Variants in ATXN1 observed in about 807,000 individuals in gnomAD.
ATXN1 encodes ataxin-1.
In ATXN1, 8 loss-of-function variants were observed where a neutral mutation model predicts 56.4. That is an observed-to-expected ratio of 0.14 (90% CI 0.08 to 0.26). The LOEUF (loss-of-function observed/expected upper bound fraction) is 0.26. Among genes scored for constraint, ATXN1 ranks in the 10% least tolerant of loss-of-function variants. The pLI is 1.00. For synonymous variants in ATXN1, 514 were observed against 494.6 expected, an observed-to-expected ratio of 1.04 and a Z score of -0.52; for missense variants, 987 against 1,106.5, an observed-to-expected ratio of 0.89 and a Z score of 1.53.
At chr6:16,423,662 T>C (rs1449500385) in intron 6 of ATXN1, among the ~76,000 whole-genome samples, 4 of 152,106 alleles carry the variant, frequency 2.6e-5, no homozygotes, top group East Asian at 3.9e-4. Flanking sequence ...GATTACAGGC[T>C]CTCAAGGATT....
chr6:16,531,292 C>A (rs971248254), intron 4 of ATXN1, among the ~76,000 whole-genome samples: 2 of 152,188 alleles, frequency 1.3e-5, no homozygotes, highest in African/African-American at 4.8e-5. Flanking sequence ...GGAAATATCA[C>A]AGAGGAAAGG....
At chr6:16,722,353 T>G (rs967673711) in intron 2 of ATXN1, among the ~76,000 whole-genome samples, 6 of 152,224 alleles carry the variant, frequency 3.9e-5, no homozygotes, top group African/African-American at 1.4e-4. Context: ...GCTTTTAATT[T>G]TACTGAAATG....
At chr6:16,668,421 G>A (rs1198969762) in intron 2 of ATXN1, among the ~76,000 whole-genome samples, 2 of 143,646 alleles carry the variant, frequency 1.4e-5, no homozygotes, top group South Asian at 2.2e-4. Flanking sequence ...TGTTTTTAAC[G>A]TTGATTTTAT....
At chr6:16,589,738 A>G (rs1339389830) in intron 3 of ATXN1, among the ~76,000 whole-genome samples, 1 of 152,220 alleles carries the variant, frequency 6.6e-6, no homozygotes, top group Admixed American at 6.5e-5. Flanking sequence ...TAGGGCAACT[A>G]AGCTGAATTT....
intron 6 of ATXN1, among the ~76,000 whole-genome samples, chr6:16,406,558 T>G (rs1012677170): frequency 3.9e-5 from 6 of 152,228 alleles, no homozygotes; most frequent in African/African-American, 1.4e-4. Context: ...AAGCAAAATT[T>G]ATTCAAAGAC....
intron 2 of ATXN1, among the ~76,000 whole-genome samples, chr6:16,700,842 C>T (rs1331228278): frequency 6.6e-6 from 1 of 152,074 alleles, no homozygotes; most frequent in East Asian, 1.9e-4. Context: ...GTTTTCACCT[C>T]ATTTCTAAGT....
chr6:16,586,043 G>GCGCGCGCA (rs61649104), intron 3 of ATXN1, 136 bp from the exon 4 acceptor site: 13 of 148,284 alleles, frequency 8.8e-5, no homozygotes, highest in African/African-American at 3.0e-4. Flanking sequence ...GCAAGCATGC[G>GCGCGCGCA]CACACACACA....
intron 3 of ATXN1, among the ~76,000 whole-genome samples, chr6:16,604,157 C>A (rs971099323): frequency 6.6e-6 from 1 of 151,846 alleles, no homozygotes; most frequent in African/African-American, 2.4e-5. Flanking sequence ...CGATGGAAAG[C>A]AGATGGAAAT....
chr6:16,461,708 C>T (rs1328453608), intron 6 of ATXN1, among the ~76,000 whole-genome samples: 1 of 152,172 alleles, frequency 6.6e-6, no homozygotes, highest in Non-Finnish European at 1.5e-5. Flanking sequence ...CCAAAGCTTA[C>T]AAAACGACAA....
At chr6:16,673,785 G>A (rs978047579) in intron 2 of ATXN1, among the ~76,000 whole-genome samples, 3 of 152,072 alleles carry the variant, frequency 2.0e-5, no homozygotes, top group African/African-American at 7.2e-5. Flanking sequence ...CTAAAGTGCT[G>A]GGATTACAGG....
chr6:16,506,388 C>T lies in ATXN1; in HGVS notation c.-299+16239G>A, dbSNP rs1008316751. Reference sequence around the variant, plus strand: ...ATTTAATAGTTTTACATAAGCAAAGCTGATGTCTCCTCTGACCTCCCCCTT... The same window carrying T: ...ATTTAATAGTTTTACATAAGCAAAGTTGATGTCTCCTCTGACCTCCCCCTT... On this transcript the variant is annotated intron_variant, in intron 5 of 7. Transcript: ENST00000436367. The surrounding 1 kb of genome is among the most constrained non-coding windows in gnomAD (Gnocchi z 4.1). 6.6e-6 allele frequency among the ~76,000 whole-genome samples: 1 copy of T among 152,128 alleles called. No individual in the cohort carries two copies. Among genetic ancestry groups the T allele is most frequent in the African/African-American group, 2.4e-5 (1 of 41,426 alleles).
intron 6 of ATXN1, among the ~76,000 whole-genome samples, chr6:16,463,102 G>T (rs1760032767): frequency 6.6e-6 from 1 of 152,134 alleles, no homozygotes; most frequent in African/African-American, 2.4e-5. Flanking sequence ...GAGTCACTCA[G>T]TTTGCTCCCA....
Position 16,725,679 on chromosome 6 carries a change from A to C in ATXN1, c.-615+27554T>G, listed in dbSNP as rs112516254. Among the ~76,000 whole-genome samples the C allele has an allele frequency of 8.6e-3, 1,310 of 152,332 alleles. 9 individuals carry two copies. Among genetic ancestry groups the C allele is most frequent in the Non-Finnish European group, 0.015 (1,016 of 68,030 alleles). On this transcript the variant is annotated intron_variant, in intron 2 of 7. Coordinates refer to ENST00000436367, the MANE Select transcript of ATXN1 (RefSeq NM_001128164.2). ...CATATTTGGCCCAGTAGCTACTCCC[A>C]CATTCTCACATTCAACAATATTTAT...
Position 16,642,293 on chromosome 6 carries a change from G to C in ATXN1, c.-489+15483C>G, listed in dbSNP as rs527372335. 3.9e-5 allele frequency among the ~76,000 whole-genome samples: 6 copies of C among 152,318 alleles called. 1 individual carries two copies. The highest frequency in any genetic ancestry group is 1.4e-4 in the African/African-American group (6 of 41,572). On this transcript the variant is annotated intron_variant, in intron 3 of 7. Coordinates refer to ENST00000436367, the MANE Select transcript of ATXN1 (RefSeq NM_001128164.2). The stretch of plus-strand genomic sequence containing the variant: ...ACCTGTAGTCCCAGCTACTCAGGAG[G>C]CTGAGGCAGGAGAATTGTTTGAACC...
intron 1 of ATXN1, chr6:16,761,058 A>G (rs1761080446): frequency 4.4e-5 from 12 of 272,220 alleles, no homozygotes; most frequent in South Asian, 3.3e-4. Flanking sequence ...GGTTGTATGT[A>G]CACACATACA....
chr6:16,598,721 G>A (rs1274881884), intron 3 of ATXN1, among the ~76,000 whole-genome samples: 1 of 152,128 alleles, frequency 6.6e-6, no homozygotes, highest in Non-Finnish European at 1.5e-5. Flanking sequence ...CTGGAGTGGG[G>A]GTGGCAGGAG....
At chr6:16,564,854 T>A (rs1762188374) in intron 4 of ATXN1, among the ~76,000 whole-genome samples, 1 of 152,112 alleles carries the variant, frequency 6.6e-6, no homozygotes. Context: ...TTTTTTAATT[T>A]AAATAAGCTA....
intron 4 of ATXN1, among the ~76,000 whole-genome samples, chr6:16,578,664 C>A (rs892205864): frequency 1.3e-5 from 2 of 150,090 alleles, no homozygotes; most frequent in African/African-American, 2.5e-5. Context: ...ATGCAGGGGG[C>A]AAAAGGAAGA....
At chr6:16,552,537 C>T (rs1761940717) in intron 4 of ATXN1, among the ~76,000 whole-genome samples, 1 of 152,210 alleles carries the variant, frequency 6.6e-6, no homozygotes, top group African/African-American at 2.4e-5. Context: ...AATTTCTCTT[C>T]TCTTTTCTGG....
Sources: gnomAD v4.1 joint callset for allele counts (sites outside exome capture counted in the v4.1 genomes callset) on GRCh38, gnomAD v4.1.1 for gene constraint, Gnocchi (gnomAD v3.1) non-coding constraint, MANE v1.5 for transcripts, NCBI Gene and HGNC (gene_info 2026-07-23, HGNC 2026-07-21) for gene names.